The following ADAM7 variants were observed in gnomAD, a reference collection of about 807,000 sequenced individuals.
The protein encoded by ADAM7 is ADAM metallopeptidase domain 7, also known as disintegrin and metalloproteinase domain-containing protein 7.
A neutral mutation model predicts 102.9 loss-of-function variants in ADAM7; 97 were observed. The ratio of observed to expected loss-of-function variants is 0.94; its 90% CI spans 0.80 to 1.12. ADAM7 has a LOEUF of 1.12. ADAM7 is among the 50% of genes most tolerant of loss of function. ADAM7 has a pLI of 0.00. For synonymous variants in ADAM7, 334 were observed against 304.4 expected (o/e 1.10, Z -1.01); for missense variants, 991 against 908.7 (o/e 1.09, Z -1.16).
intron 3 of ADAM7, among the ~76,000 whole-genome samples, chr8:24,459,517 T>C (rs528590463): frequency 1.1e-4 from 17 of 152,172 alleles, no homozygotes; most frequent in East Asian, 9.7e-4. Flanking sequence ...AGTGCAGTGG[T>C]GCAATCATGG....
rs902846 is a variant in ADAM7, at chr8:24,509,520, A to G, written c.*974A>G. On this transcript the variant is annotated 3_prime_UTR_variant, in exon 22 of 22. Coordinates refer to ENST00000175238, the MANE Select transcript of ADAM7 (RefSeq NM_003817.4). ...AAGTTTTCAAGTTCTAAATAAAAAT[A>G]TTCTGACTCGATGAAATAAATAAAG... The G allele has an allele frequency of 0.67, 656,740 of 983,014 alleles. 221,168 individuals are homozygous for G. Among genetic ancestry groups the G allele is most frequent in the African/African-American group, 0.81 (46,061 of 57,218 alleles). 60.9% of individuals were successfully genotyped at this position (983,014 alleles called of 1,614,324 possible). A position where few individuals can be genotyped will look rare whatever the true frequency, so the allele number is the denominator to read the frequency against.
intron 3 of ADAM7, among the ~76,000 whole-genome samples, chr8:24,458,059 G>A (rs1305120948): frequency 1.3e-5 from 2 of 152,140 alleles, no homozygotes; most frequent in Non-Finnish European, 2.9e-5. Context: ...TCTATTTACA[G>A]TCTGTAAGCC....
chr8:24,480,676 G>A (rs1034461108), intron 8 of ADAM7, among the ~76,000 whole-genome samples: 2 of 152,114 alleles, frequency 1.3e-5, no homozygotes, highest in African/African-American at 4.8e-5. Context: ...AATAGAGAGG[G>A]TCTGAAAATC....
At chr8:24,505,323 T>A (rs564225232) in intron 20 of ADAM7, among the ~76,000 whole-genome samples, 5 of 152,216 alleles carry the variant, frequency 3.3e-5, no homozygotes, top group African/African-American at 1.2e-4. Flanking sequence ...GGGCTTTTGG[T>A]TTTTTGGTTA....
intron 13 of ADAM7, 24 bp downstream of exon 13, chr8:24,490,912 G>GT (rs200976746): frequency 0.078 from 79,402 of 1,020,112 alleles, 16 homozygotes; most frequent in East Asian, 0.11. Flanking sequence ...CCAGGAGAAG[G>GT]TTTTTTTTTT....
intron 2 of ADAM7, 74 bp downstream of exon 2, chr8:24,442,650 A>G: frequency 8.7e-7 from 1 of 1,152,780 alleles, no homozygotes; most frequent in Non-Finnish European, 1.3e-6. Context: ...AGCTCCAACC[A>G]GAAGCAAATA....
At chr8:24,447,738 G>A (rs1187564852) in intron 3 of ADAM7, among the ~76,000 whole-genome samples, 1 of 152,022 alleles carries the variant, frequency 6.6e-6, no homozygotes, top group African/African-American at 2.4e-5. Flanking sequence ...TTCTTCATTG[G>A]CTTTCTTCAA....
At chr8:24,456,992 G>T (rs1819058463) in intron 3 of ADAM7, among the ~76,000 whole-genome samples, 5 of 152,028 alleles carry the variant, frequency 3.3e-5, no homozygotes, top group Admixed American at 2.6e-4. Flanking sequence ...CTGAGTCACA[G>T]GATATGTATA....
intron 2 of ADAM7, among the ~76,000 whole-genome samples, chr8:24,445,092 G>A (rs1178746413): frequency 6.6e-6 from 1 of 152,002 alleles, no homozygotes; most frequent in African/African-American, 2.4e-5. Context: ...TCTAATATTT[G>A]TTAATATAAA....
intron 8 of ADAM7, among the ~76,000 whole-genome samples, chr8:24,477,680 T>C (rs1269010297): frequency 6.6e-6 from 1 of 152,102 alleles, no homozygotes; most frequent in Admixed American, 6.6e-5. Context: ...ATCATTCAAA[T>C]ATTTCAAAGA....
chr8:24,481,055 C>T lies in ADAM7; in HGVS notation c.706-1087C>T, dbSNP rs995762826. On this transcript the variant is annotated intron_variant, in intron 8 of 21. Coordinates refer to ENST00000175238, the MANE Select transcript of ADAM7 (RefSeq NM_003817.4). The stretch of plus-strand genomic sequence containing the variant: ...CCAGGCTGGGTGACAGAATGAGACC[C>T]TGTCTCAAAAACAAACAAACAAACA... Among the ~76,000 whole-genome samples, 18 of 146,012 alleles carry T rather than the reference C, an allele frequency of 1.2e-4. 1 individual carries two copies. Among genetic ancestry groups the T allele is most frequent in the South Asian group, 8.7e-4 (4 of 4,576 alleles).
intron 18 of ADAM7, 69 bp from the exon 19 acceptor site, chr8:24,500,721 T>C: frequency 7.8e-7 from 1 of 1,279,298 alleles, no homozygotes; most frequent in Non-Finnish European, 1.1e-6. Context: ...AACAGCTCCA[T>C]TAAATGTTAA....
chr8:24,448,179 A>G (rs1274074860), intron 3 of ADAM7, among the ~76,000 whole-genome samples: 2 of 152,296 alleles, frequency 1.3e-5, no homozygotes, highest in East Asian at 3.9e-4. Flanking sequence ...TATGAGACAG[A>G]TATTGTTTAA....
At chr8:24,444,396 G>T (rs1015166587) in intron 2 of ADAM7, among the ~76,000 whole-genome samples, 1 of 152,010 alleles carries the variant, frequency 6.6e-6, no homozygotes, top group Non-Finnish European at 1.5e-5. Context: ...CCCATTAAGT[G>T]TGGGTTGTAG....
At chr8:24,460,779 A>T (rs1366808152) in intron 3 of ADAM7, among the ~76,000 whole-genome samples, 1 of 151,864 alleles carries the variant, frequency 6.6e-6, no homozygotes, top group Non-Finnish European at 1.5e-5. Flanking sequence ...ATATATATAT[A>T]TATATATCCC....
intron 20 of ADAM7, among the ~76,000 whole-genome samples, chr8:24,501,989 G>C (rs1344046592): frequency 1.3e-5 from 2 of 151,912 alleles, no homozygotes; most frequent in Admixed American, 6.6e-5. Flanking sequence ...TTTGAGATGA[G>C]CCTGGCCAAC....
intron 5 of ADAM7, 116 bp from the exon 6 acceptor site, chr8:24,466,683 T>C: frequency 1.2e-6 from 1 of 863,216 alleles, no homozygotes; most frequent in Non-Finnish European, 1.8e-6. Flanking sequence ...AGCACTCTCC[T>C]ACCTGTTCAT....
At position 24,508,592 on chromosome 8, in the gene ADAM7, G is replaced by GAT. The variant is rs775761784; in HGVS notation, c.*47_*48dup. On this transcript the variant is annotated 3_prime_UTR_variant, in exon 22 of 22. Coordinates refer to ENST00000175238, the MANE Select transcript of ADAM7 (RefSeq NM_003817.4). Reference sequence around the variant, plus strand: ...AATGGCCGTGCAAGCTTAGGCTGGGGATTCTGGATGCAACGTCTTTACAAC... The same window carrying GAT: ...AATGGCCGTGCAAGCTTAGGCTGGGGATATTCTGGATGCAACGTCTTTACAAC... The GAT allele has an allele frequency of 6.2e-7, 1 of 1,612,960 alleles. No individual in the cohort carries two copies. The highest frequency in any genetic ancestry group is 8.5e-7 in the Non-Finnish European group (1 of 1,179,342).
intron 16 of ADAM7, 138 bp downstream of exon 16, chr8:24,493,367 G>A: frequency 1.4e-6 from 1 of 726,434 alleles, no homozygotes; most frequent in Non-Finnish European, 2.1e-6. Flanking sequence ...TTAATGAGGA[G>A]CAGAGTAGCA....
Sources: gnomAD v4.1 joint callset for allele counts (sites outside exome capture counted in the v4.1 genomes callset) on GRCh38, gnomAD v4.1.1 for gene constraint, MANE v1.5 for transcripts, NCBI Gene and HGNC (gene_info 2026-07-23, HGNC 2026-07-21) for gene names.